The following PCDH9 variants were observed in gnomAD, a reference collection of about 807,000 sequenced individuals.
PCDH9 encodes protocadherin 9, also known as protocadherin-9.
A neutral mutation model predicts 70.6 loss-of-function variants in PCDH9; 24 were observed. The observed-to-expected ratio is 0.34, with a 90% CI of 0.25 to 0.48. The LOEUF (loss-of-function observed/expected upper bound fraction) is 0.48. Ranked by LOEUF, PCDH9 falls within the 20% of genes least tolerant of loss-of-function variation. The pLI is 0.99. For synonymous variants in PCDH9, 562 were observed against 558.5 expected (o/e 1.01, Z -0.09); for missense variants, 1,281 against 1,503.6 (o/e 0.85, Z 2.45).
intron 3 of PCDH9, among the ~76,000 whole-genome samples, chr13:66,815,634 A>T (rs1211443663): frequency 1.3e-5 from 2 of 152,190 alleles, no homozygotes; most frequent in Admixed American, 1.3e-4. Flanking sequence ...ACTGTAGGCC[A>T]GTATCCTAAG....
chr13:66,843,395 C>T (rs1482047378), intron 3 of PCDH9, among the ~76,000 whole-genome samples: 4 of 152,024 alleles, frequency 2.6e-5, no homozygotes, highest in Middle Eastern at 3.2e-3. Flanking sequence ...ATTACACACA[C>T]GTTATAAAAT....
chr13:67,203,001 A>C (rs1303316582), intron 2 of PCDH9: 1 of 152,080 alleles, frequency 6.6e-6, no homozygotes, highest in Non-Finnish European at 1.5e-5. Context: ...AATGAAGCAA[A>C]TCTCTAGGTT....
At chr13:66,798,828 CT>C (rs2080284822) in intron 3 of PCDH9, among the ~76,000 whole-genome samples, 2 of 144,216 alleles carry the variant, frequency 1.4e-5, no homozygotes, top group Non-Finnish European at 3.1e-5. Flanking sequence ...TTTTTTTTTT[CT>C]TTTTGAGACA....
intron 2 of PCDH9, among the ~76,000 whole-genome samples, chr13:67,127,634 C>T (rs1309723027): frequency 2.0e-5 from 3 of 151,366 alleles, no homozygotes; most frequent in African/African-American, 7.3e-5. Context: ...CTGAAGTCAG[C>T]TCTCCTATTC....
intron 4 of PCDH9, among the ~76,000 whole-genome samples, chr13:66,321,165 A>G (rs1435877379): frequency 6.6e-6 from 1 of 152,058 alleles, no homozygotes; most frequent in Non-Finnish European, 1.5e-5. Context: ...TCCAAGTTCT[A>G]TGGCATTAAG....
intron 3 of PCDH9, among the ~76,000 whole-genome samples, chr13:66,725,045 C>A (rs2078988232): frequency 6.6e-6 from 1 of 152,260 alleles, no homozygotes; most frequent in Admixed American, 6.5e-5. Context: ...ACAAAATTCA[C>A]ACTCAGAAAT....
chr13:66,341,833 G>C (rs569423126), intron 4 of PCDH9, among the ~76,000 whole-genome samples: 54 of 152,150 alleles, frequency 3.5e-4, no homozygotes, highest in Non-Finnish European at 6.5e-4. Flanking sequence ...GACTGGAGGA[G>C]AGCTTGTGTC....
At chr13:66,933,918 G>GC (rs988989121) in intron 2 of PCDH9, among the ~76,000 whole-genome samples, 6 of 146,646 alleles carry the variant, frequency 4.1e-5, no homozygotes, top group South Asian at 2.1e-4. Context: ...GGGGGCGGGG[G>GC]GGCAAAAAAG....
chr13:66,762,004 G>A (rs528899998), intron 3 of PCDH9, among the ~76,000 whole-genome samples: 1 of 152,128 alleles, frequency 6.6e-6, no homozygotes, highest in Admixed American at 6.5e-5. Context: ...AGTATTTGCA[G>A]TATGGATTTG....
At chr13:66,421,409 G>A (rs1248609856) in intron 4 of PCDH9, among the ~76,000 whole-genome samples, 1 of 152,188 alleles carries the variant, frequency 6.6e-6, no homozygotes, top group African/African-American at 2.4e-5. Context: ...AGGAAAAAAT[G>A]TTAAGGGCAG....
chr13:66,389,852 A>G (rs990896408), intron 4 of PCDH9, among the ~76,000 whole-genome samples: 2 of 152,206 alleles, frequency 1.3e-5, no homozygotes, highest in Non-Finnish European at 1.5e-5. Context: ...CCTCAACTAA[A>G]AAAAGTATTT....
intron 4 of PCDH9, among the ~76,000 whole-genome samples, chr13:66,429,798 C>T (rs1342313800): frequency 6.6e-6 from 1 of 152,074 alleles, no homozygotes; most frequent in East Asian, 1.9e-4. Context: ...GACAAGGGCA[C>T]ATCAGTGATT....
At chr13:66,727,556 ATATAT>A (rs1473277188) in intron 3 of PCDH9, among the ~76,000 whole-genome samples, 2 of 152,182 alleles carry the variant, frequency 1.3e-5, no homozygotes, top group African/African-American at 2.4e-5. Context: ...TTAAATTAAA[ATATAT>A]TATATTTTTG....
chr13:66,486,664 A>G, intron 4 of PCDH9, among the ~76,000 whole-genome samples: 1 of 150,518 alleles, frequency 6.6e-6, no homozygotes, highest in Middle Eastern at 3.5e-3. Flanking sequence ...AAAGTATTTG[A>G]GTTTCACTAT....
intron 4 of PCDH9, among the ~76,000 whole-genome samples, chr13:66,326,677 C>T (rs1385412351): frequency 6.6e-6 from 1 of 152,096 alleles, no homozygotes; most frequent in East Asian, 1.9e-4. Flanking sequence ...CCTCAGCCCT[C>T]ACACCTGGGA....
chr13:66,631,873 C>A (rs560096633), intron 3 of PCDH9, among the ~76,000 whole-genome samples: 1 of 152,234 alleles, frequency 6.6e-6, no homozygotes, highest in African/African-American at 2.4e-5. Flanking sequence ...ATATTTCCTA[C>A]AGTACCACCT....
intron 3 of PCDH9, among the ~76,000 whole-genome samples, chr13:66,673,806 A>T (rs947680675): frequency 2.6e-5 from 4 of 152,210 alleles, no homozygotes; most frequent in Non-Finnish European, 5.9e-5. Flanking sequence ...TATTGGCACA[A>T]TTAAGTGACT....
chr13:66,968,747 C>G (rs1337545533), intron 2 of PCDH9, among the ~76,000 whole-genome samples: 1 of 151,954 alleles, frequency 6.6e-6, no homozygotes, highest in East Asian at 1.9e-4. Flanking sequence ...CCAGAAACCT[C>G]CTTCTAAGAT....
intron 4 of PCDH9, among the ~76,000 whole-genome samples, chr13:66,321,706 C>G (rs749688846): frequency 2.0e-5 from 3 of 151,914 alleles, no homozygotes; most frequent in Non-Finnish European, 4.4e-5. Flanking sequence ...ACAAAACAAA[C>G]AAAAATTCTA....
Sources: allele counts gnomAD v4.1 joint callset (sites outside exome capture counted in the v4.1 genomes callset), GRCh38; gene constraint gnomAD v4.1.1; transcripts MANE v1.5; gene names NCBI Gene and HGNC (gene_info 2026-07-23, HGNC 2026-07-21).